The following ZNF618 variants were observed in gnomAD, a reference collection of about 807,000 sequenced individuals.
ZNF618 encodes the protein neural precursor cell expressed, developmentally down-regulated 10.
In ZNF618, 34 loss-of-function variants were observed where a neutral mutation model predicts 103.0. The ratio of observed to expected loss-of-function variants is 0.33; its 90% CI spans 0.25 to 0.44. The LOEUF is 0.44. Among genes scored for constraint, ZNF618 ranks in the 20% least tolerant of loss-of-function variants. ZNF618 has a pLI of 1.00. For missense variants in ZNF618, 1,059 were observed against 1,295.4 expected, an observed-to-expected ratio of 0.82 and a Z score of 2.80; for synonymous variants, 551 against 542.2, an observed-to-expected ratio of 1.02 and a Z score of -0.23.
At chr9:113,915,766 TAGAC>T (rs1832014662) in intron 1 of ZNF618, among the ~76,000 whole-genome samples, 1 of 151,854 alleles carries the variant, frequency 6.6e-6, no homozygotes, top group African/African-American at 2.4e-5. Context: ...GATGGACAGA[TAGAC>T]AGACAGACAG....
intron 1 of ZNF618, among the ~76,000 whole-genome samples, chr9:113,893,832 G>A (rs1484219496): frequency 6.6e-6 from 1 of 151,346 alleles, no homozygotes; most frequent in Non-Finnish European, 1.5e-5. Context: ...TTGGGTTAAG[G>A]GTACATATTA....
At chr9:113,997,587 C>T (rs1283157834) in intron 3 of ZNF618, among the ~76,000 whole-genome samples, 1 of 152,138 alleles carries the variant, frequency 6.6e-6, no homozygotes, top group African/African-American at 2.4e-5. Flanking sequence ...GTGAGAAACC[C>T]CTGAGCCAGG....
At chr9:113,942,112 C>T (rs1414263359) in intron 1 of ZNF618, among the ~76,000 whole-genome samples, 5 of 152,162 alleles carry the variant, frequency 3.3e-5, no homozygotes, top group Non-Finnish European at 5.9e-5. Context: ...TGTAATTCCT[C>T]GTGGGTATCA....
chr9:113,968,959 A>G (rs566089732), intron 1 of ZNF618, among the ~76,000 whole-genome samples, 158 bp from the exon 2 acceptor site: 10 of 152,156 alleles, frequency 6.6e-5, no homozygotes, highest in Non-Finnish European at 1.2e-4. Flanking sequence ...ACCACTGGGC[A>G]CAAGTTTGTC....
rs1291994440 is a variant in ZNF618 at position 114,032,741 on chromosome 9, C to T, written c.1168+13C>T. The T allele has an allele frequency of 1.2e-6, 2 of 1,613,404 alleles. No individual in the cohort carries two copies. Among genetic ancestry groups the T allele is most frequent in the African/African-American group, 1.3e-5 (1 of 74,932 alleles). On this transcript the variant is annotated intron_variant, in intron 12 of 14. Coordinates refer to ENST00000374126, the MANE Select transcript of ZNF618 (RefSeq NM_001318042.2). ...CAGAACTCCAGCGGTGAGTGTGCCC[C>T]TTGACAGCCATCCTGTGCGGTAGCT...
intron 1 of ZNF618, among the ~76,000 whole-genome samples, chr9:113,941,134 A>T (rs1368335407): frequency 6.6e-6 from 1 of 152,086 alleles, no homozygotes; most frequent in East Asian, 1.9e-4. Context: ...CATTTCTGAC[A>T]TTTAAGTTTT....
intron 2 of ZNF618, 29 bp downstream of exon 2, chr9:113,969,189 T>C (rs377417572): frequency 6.2e-7 from 1 of 1,613,790 alleles, no homozygotes; most frequent in Non-Finnish European, 8.5e-7. Flanking sequence ...CCCCAGCTTG[T>C]CCACCCATCG....
chr9:113,976,321 C>T (rs775608440), intron 2 of ZNF618, among the ~76,000 whole-genome samples: 3 of 152,196 alleles, frequency 2.0e-5, no homozygotes, highest in Non-Finnish European at 4.4e-5. Context: ...GAACCTGTGG[C>T]TGTTAGTTCA....
intron 10 of ZNF618, among the ~76,000 whole-genome samples, chr9:114,019,550 G>A (rs191814162): frequency 4.3e-4 from 65 of 152,346 alleles, no homozygotes; most frequent in Middle Eastern, 3.4e-3. Flanking sequence ...GGGGATAGTG[G>A]AGTCTCACTG....
At chr9:113,922,481 T>G (rs12238400) in intron 1 of ZNF618, among the ~76,000 whole-genome samples, 1,534 of 76,908 alleles carry the variant, frequency 0.02, 16 homozygotes, top group African/African-American at 0.04. Flanking sequence ...TGGTTTGTTT[T>G]TTTTTTTTTT....
chr9:113,940,670 A>G (rs1275894383), intron 1 of ZNF618, among the ~76,000 whole-genome samples: 1 of 152,058 alleles, frequency 6.6e-6, no homozygotes, highest in African/African-American at 2.4e-5. Flanking sequence ...AGTTTTGTCC[A>G]TTATTTTTGT....
intron 1 of ZNF618, among the ~76,000 whole-genome samples, chr9:113,920,229 T>C (rs953802615): frequency 1.2e-4 from 18 of 152,242 alleles, no homozygotes; most frequent in Non-Finnish European, 1.6e-4. Context: ...CTGACACTTT[T>C]GTTTCAAGTG....
rs376004519 is a variant in ZNF618, at chr9:114,049,630, C to T, written c.2328C>T (p.Asn776=). 74 of 1,613,734 alleles carry T rather than the reference C, an allele frequency of 4.6e-5. No homozygotes were observed. The highest frequency in any genetic ancestry group is 5.6e-5 in the Non-Finnish European group (66 of 1,179,912). Residue 776 remains asparagine, a synonymous_variant, in exon 15 of 15, where the codon AAC becomes AAT. Coordinates refer to ENST00000374126, the MANE Select transcript of ZNF618 (RefSeq NM_001318042.2). ...RLEKLFTAKA[N]DAGTVSKLCH... ...AGAAGCTGTTCACGGCCAAGGCCAA[C>T]GACGCAGGCACTGTCAGCAAGCTCT...
chr9:114,044,231 G>A (rs1845463321), intron 13 of ZNF618, among the ~76,000 whole-genome samples: 1 of 152,124 alleles, frequency 6.6e-6, no homozygotes, highest in Non-Finnish European at 1.5e-5. Context: ...TGTAAGGTGA[G>A]AGATGAGGAT....
At chr9:113,992,173 T>C (rs573814488) in intron 3 of ZNF618, among the ~76,000 whole-genome samples, 27 of 152,316 alleles carry the variant, frequency 1.8e-4, no homozygotes, top group African/African-American at 6.5e-4. Context: ...TTGAGGATTC[T>C]AAAGGGTGGC....
chr9:113,914,907 A>G (rs570601514), intron 1 of ZNF618, among the ~76,000 whole-genome samples: 2 of 152,314 alleles, frequency 1.3e-5, no homozygotes, highest in East Asian at 3.9e-4. Context: ...ACTGGCCTCC[A>G]ACCTGACTGG....
intron 13 of ZNF618, among the ~76,000 whole-genome samples, chr9:114,037,843 T>A (rs1311063709): frequency 6.6e-6 from 1 of 152,216 alleles, no homozygotes; most frequent in Non-Finnish European, 1.5e-5. Flanking sequence ...TTATTTCTAA[T>A]GAACTTAAAA....
rs188971584 is a variant in ZNF618 at position 114,051,730 on chromosome 9, A to G, written c.*1563A>G. On this transcript the variant is annotated 3_prime_UTR_variant, in exon 15 of 15. Transcript: ENST00000374126. ...ATGGTGTTTGGCCATGTTCGACTCGATGCTGTGAAAGATGTCTTCAGGCTT... is the reference window on the plus strand; with the variant it reads ...ATGGTGTTTGGCCATGTTCGACTCGGTGCTGTGAAAGATGTCTTCAGGCTT... The G allele has an allele frequency of 2.0e-5, 3 of 152,504 alleles. No homozygotes were observed. Among genetic ancestry groups the G allele is most frequent in the Admixed American group, 6.5e-5 (1 of 15,306 alleles). The allele number at this position is 152,504 out of a possible 1,614,324, so 9.4% of individuals were successfully genotyped here.
intron 1 of ZNF618, among the ~76,000 whole-genome samples, chr9:113,910,290 G>A (rs1203474743): frequency 1.3e-5 from 2 of 152,270 alleles, no homozygotes; most frequent in East Asian, 1.9e-4. Context: ...CTCTAAGTAG[G>A]GGAGCCTCCT....
Sources: allele counts gnomAD v4.1 joint callset (sites outside exome capture counted in the v4.1 genomes callset), GRCh38; gene constraint gnomAD v4.1.1; transcripts MANE v1.5; gene names NCBI Gene and HGNC (gene_info 2026-07-23, HGNC 2026-07-21).